Variants in CCNF observed in about 807,000 individuals in gnomAD.
CCNF encodes cyclin-F.
In CCNF, 30 loss-of-function variants were observed where a neutral mutation model predicts 85.4. The observed-to-expected ratio is 0.35, with a 90% confidence interval of 0.26 to 0.48. The LOEUF (loss-of-function observed/expected upper bound fraction) is 0.48, where lower values mean the gene tolerates loss of function less well. Among genes scored for constraint, CCNF ranks in the 20% least tolerant of loss-of-function variants. The probability of loss-of-function intolerance (pLI) is 0.99; values close to 1 mark genes in which losing one functional copy is unlikely to be tolerated. For synonymous variants in CCNF, 439 were observed against 425.1 expected (o/e 1.03, Z -0.40); for missense variants, 919 against 1,010.4 (o/e 0.91, Z 1.23).
intron 9 of CCNF, 128 bp from the exon 10 acceptor site, chr16:2,445,330 C>A: frequency 9.0e-7 from 1 of 1,106,392 alleles, no homozygotes. Context: ...AGCCTTGGTT[C>A]CAGGGTAAAC....
In CCNF at chr16:2,456,561, C is replaced by T; in HGVS notation, c.1902C>T (p.Gly634=). Reference sequence around the variant, plus strand: ...TTCCTGCAGTGACAGCTCCCAGCGGCATCCTCGATGTCACCGTGGTCTACC... The same window carrying T: ...TTCCTGCAGTGACAGCTCCCAGCGGTATCCTCGATGTCACCGTGGTCTACC... ...EKEGDVTAPS[G]ILDVTVVYLN... Residue 634 remains glycine (G), a synonymous_variant, in exon 17 of 17, where the codon GGC becomes GGT. Coordinates refer to ENST00000397066, the MANE Select transcript of CCNF (RefSeq NM_001761.3). The surrounding 1 kb of genome is among the most constrained non-coding windows in gnomAD (Gnocchi z 4.5). The T allele has an allele frequency of 4.5e-6, 7 of 1,542,616 alleles. No individual in the cohort carries two copies. Among genetic ancestry groups the T allele is most frequent in the Non-Finnish European group, 5.2e-6 (6 of 1,145,378 alleles).
chr16:2,439,939 G>A (rs1239755111), intron 8 of CCNF, 113 bp downstream of exon 8: 1 of 868,972 alleles, frequency 1.2e-6, no homozygotes, highest in Non-Finnish European at 1.9e-6. Flanking sequence ...CTCCCACATG[G>A]GAGGCCAGGA....
In CCNF at chr16:2,449,303, A is replaced by G. The variant is rs1355233826; in HGVS notation, c.1240A>G (p.Lys414Glu). The change falls in exon 12 of 17, where the codon AAG (lysine) becomes GAG (glutamate). Residue 414 changes from lysine (K) to glutamate (E), a missense_variant. Physicochemically the swap from Lys to Glu is moderately conservative, Grantham distance 56. Coordinates refer to ENST00000397066, the MANE Select transcript of CCNF (RefSeq NM_001761.3). ...CTAGGTCCCCACTGTGGTGGATTAC[A>G]AGGAGGTCCTGCTGACGCTAGTCCC... ...KIRVPTVVDYKEVLLTLVPVE... is the reference protein window; with the variant it reads ...KIRVPTVVDYEEVLLTLVPVE... 6.2e-7 allele frequency: 1 copy of G among 1,613,872 alleles called. No individual in the cohort carries two copies. The highest frequency in any genetic ancestry group is 2.2e-5 in the East Asian group (1 of 44,878).
chr16:2,432,845 G>A, intron 2 of CCNF, 116 bp from the exon 3 acceptor site: 1 of 584,312 alleles, frequency 1.7e-6, no homozygotes, highest in East Asian at 2.9e-5. Context: ...TCAACTACTT[G>A]GGATGGCGAG....
chr16:2,456,518 C>A lies in CCNF; in HGVS notation c.1886-27C>A. ...CCCCTGATGCTTGGGTGTGACATGA[C>A]TTCCCTCCCCACCAACCTTCCTGCA... On this transcript the variant is annotated intron_variant, in intron 16 of 16. Transcript: ENST00000397066. The surrounding 1 kb of genome is among the most constrained non-coding windows in gnomAD (Gnocchi z 4.5). 6.9e-7 allele frequency: 1 copy of A among 1,455,682 alleles called. No homozygotes were observed. Among genetic ancestry groups the A allele is most frequent in the Non-Finnish European group, 9.2e-7 (1 of 1,085,066 alleles). 90.2% of individuals were successfully genotyped at this position (1,455,682 alleles called of 1,614,324 possible). A position where few individuals can be genotyped will look rare whatever the true frequency, so the allele number is the denominator to read the frequency against.
In CCNF at chr16:2,431,151, A is replaced by C. The variant is rs773521452; in HGVS notation, c.38A>C (p.Lys13Thr). ...SGGVVHCRCA[K>T]CFCYPTKRRI... ...TCAGTGGTCCACTGTAGGTGTGCCA[A>C]GTGTTTCTGTTATCCTACAAAGCGA... Residue 13 changes from lysine (K) to threonine (T), a missense_variant, in exon 2 of 17, where the codon AAG (lysine) becomes ACG (threonine). Lys to Thr is a moderately conservative substitution (Grantham distance 78). Transcript: ENST00000397066. 4 of 1,614,004 alleles carry C rather than the reference A, an allele frequency of 2.5e-6. No homozygotes were observed. The highest frequency in any genetic ancestry group is 2.5e-6 in the Non-Finnish European group (3 of 1,180,006).
chr16:2,434,782 A>C (rs8052046), intron 3 of CCNF, among the ~76,000 whole-genome samples: 114,945 of 152,008 alleles, frequency 0.76, 44,401 homozygotes, highest in African/African-American at 0.92. Context: ...AATCCTGGAA[A>C]CTCTAGACAA....
chr16:2,447,409 C>G (rs957217986), intron 10 of CCNF, among the ~76,000 whole-genome samples: 1 of 151,910 alleles, frequency 6.6e-6, no homozygotes. Context: ...ATGGTGAAAC[C>G]CTGTCTCTAC....
intron 15 of CCNF, 86 bp from the exon 16 acceptor site, chr16:2,455,309 G>T: frequency 6.9e-7 from 1 of 1,450,992 alleles, no homozygotes; most frequent in South Asian, 1.5e-5. Context: ...GCTGGGGCAC[G>T]CGGGTGTTAG....
chr16:2,438,330 G>C (rs2065302608), intron 6 of CCNF, among the ~76,000 whole-genome samples: 1 of 152,226 alleles, frequency 6.6e-6, no homozygotes. Flanking sequence ...CCTGGCAGGG[G>C]AGTGGGGGAC....
At chr16:2,438,287 G>A (rs1196378901) in intron 6 of CCNF, among the ~76,000 whole-genome samples, 164 bp downstream of exon 6, 2 of 152,142 alleles carry the variant, frequency 1.3e-5, no homozygotes, top group Admixed American at 6.6e-5. Flanking sequence ...ATGTGGGCCT[G>A]GCCACGGGCT....
rs535847894 is a variant in CCNF, at chr16:2,453,798, C to T, written c.1715+261C>T. Among the ~76,000 whole-genome samples the T allele has an allele frequency of 5.3e-5, 8 of 152,296 alleles. No homozygotes were observed. Among genetic ancestry groups the T allele is most frequent in the East Asian group, 1.9e-4 (1 of 5,184 alleles). Reference sequence around the variant, plus strand: ...GGCTCCCTGTGGAGGAAGATGGTTTCGAGCACGCGGGAGCCTAGCCTGGCT... The same window carrying T: ...GGCTCCCTGTGGAGGAAGATGGTTTTGAGCACGCGGGAGCCTAGCCTGGCT... On this transcript the variant is annotated intron_variant, in intron 15 of 16. Coordinates refer to ENST00000397066, the MANE Select transcript of CCNF (RefSeq NM_001761.3). The surrounding 1 kb of genome is among the most constrained non-coding windows in gnomAD (Gnocchi z 5.6).
In CCNF at chr16:2,439,453, C is replaced by G. The variant is rs1374924533; in HGVS notation, c.695C>G (p.Thr232Arg). 6.2e-7 allele frequency: 1 copy of G among 1,604,044 alleles called. No homozygotes were observed. The highest frequency in any genetic ancestry group is 1.1e-5 in the South Asian group (1 of 90,108). ...CTCCTCTGGGAAAGCGACAGGAGGA[C>G]AGATGTGAGTGGTGCCTGCTCTGGG... is the stretch of plus-strand genomic sequence containing the variant. ...SYLLWESDRR[T>R]DVSDPGRCLH... Residue 232 changes from threonine to arginine, a missense_variant, in exon 7 of 17, where the codon ACA becomes AGA. Around this residue, in one of 3 missense-constraint regions of CCNF, gnomAD observed 410 missense variants for 478.6 expected, o/e 0.86. Coordinates refer to ENST00000397066, the MANE Select transcript of CCNF (RefSeq NM_001761.3).
chr16:2,437,307 G>A lies in CCNF; in HGVS notation c.525G>A (p.Glu175=). ...KAVVHESLRA[E]CQLQRTHKAS... ...TGGTTCACGAGAGCCTCAGGGCAGAGTGCCAGCTGCAGAGGGTGAGTCTGG... is the reference window on the plus strand; with the variant it reads ...TGGTTCACGAGAGCCTCAGGGCAGAATGCCAGCTGCAGAGGGTGAGTCTGG... The change falls in exon 5 of 17, where the codon GAG becomes GAA. Residue 175 remains glutamate, a synonymous_variant. Transcript: ENST00000397066. 9 of 1,594,010 alleles carry A rather than the reference G, an allele frequency of 5.6e-6. No homozygotes were observed. Among genetic ancestry groups the A allele is most frequent in the Non-Finnish European group, 7.7e-6 (9 of 1,170,430 alleles).
rs1275167646 is a variant in CCNF at position 2,448,938 on chromosome 16, T to C, written c.1178T>C (p.Met393Thr). Residue 393 changes from methionine to threonine, a missense_variant, in exon 11 of 17, where the codon ATG (methionine) becomes ACG (threonine). Around this residue, in one of 3 missense-constraint regions of CCNF, gnomAD observed 505 missense variants for 514.8 expected, o/e 0.98. Coordinates refer to ENST00000397066, the MANE Select transcript of CCNF (RefSeq NM_001761.3). ...TACAAGTACGAGGACCTGGTGAGAA[T>C]GATGGGCGAGATCGTCTCCGCCTTG... Reference protein sequence around the residue: ...NTYKYEDLVRMMGEIVSALEG... With the variant: ...NTYKYEDLVRTMGEIVSALEG... 2 of 1,614,090 alleles carry C rather than the reference T, an allele frequency of 1.2e-6. No homozygotes were observed. Among genetic ancestry groups the C allele is most frequent in the Non-Finnish European group, 1.7e-6 (2 of 1,180,000 alleles).
At chr16:2,442,943 TTATTA>T (rs1347734478) in intron 8 of CCNF, among the ~76,000 whole-genome samples, 1 of 63,730 alleles carries the variant, frequency 1.6e-5, no homozygotes, top group Non-Finnish European at 2.7e-5. Context: ...TTATTATATA[TTATTA>T]TATTATATAT....
In CCNF at chr16:2,445,687, G is replaced by A. The variant is rs2065358199; in HGVS notation, c.1094+65G>A. The A allele has an allele frequency of 5.6e-6, 8 of 1,437,918 alleles. No homozygotes were observed. The South Asian group carries it at 9.8e-5, about 18-fold the overall frequency. 89.1% of individuals were successfully genotyped at this position (1,437,918 alleles called of 1,614,324 possible). ...GCCTTTCCCGGGTTCAGGGTCACCTGCCCTTCATGTGCTCCTCACTGGTTT... is the reference window on the plus strand; with the variant it reads ...GCCTTTCCCGGGTTCAGGGTCACCTACCCTTCATGTGCTCCTCACTGGTTT... On this transcript the variant is annotated intron_variant, in intron 10 of 16. Transcript: ENST00000397066.
chr16:2,452,899 T>C lies in CCNF; in HGVS notation c.1488-311T>C. ...TGTTCTTTTTCATGGCTGAATAATA[T>C]TCCCCTGCATGGACCACATGTGTTT... On this transcript the variant is annotated intron_variant, in intron 13 of 16. Coordinates refer to ENST00000397066, the MANE Select transcript of CCNF (RefSeq NM_001761.3). The surrounding 1 kb of genome is among the most constrained non-coding windows in gnomAD (Gnocchi z 4.1). The C allele has an allele frequency of 2.6e-6, 1 of 388,986 alleles. No individual in the cohort carries two copies. Among genetic ancestry groups the C allele is most frequent in the Non-Finnish European group, 4.7e-6 (1 of 211,008 alleles). 24.1% of individuals were successfully genotyped at this position (388,986 alleles called of 1,614,324 possible).
intron 6 of CCNF, among the ~76,000 whole-genome samples, chr16:2,438,477 TAA>T (rs1293313477): frequency 6.6e-6 from 1 of 151,938 alleles, no homozygotes; most frequent in African/African-American, 2.4e-5. Flanking sequence ...ACGTCTTTAC[TAA>T]AAAACACAAA....
Sources: gnomAD v4.1 joint callset for allele counts (sites outside exome capture counted in the v4.1 genomes callset) on GRCh38, gnomAD v4.1.1 for gene constraint, gnomAD v4.1.1 regional missense constraint, Gnocchi (gnomAD v3.1) non-coding constraint, MANE v1.5 for transcripts, NCBI Gene and HGNC (gene_info 2026-07-23, HGNC 2026-07-21) for gene names.